ROBO1: variants seen among roughly 807,000 people sequenced by gnomAD.
ROBO1 encodes the protein roundabout guidance receptor 1.
Under a neutral mutation model 195.9 loss-of-function variants are expected in ROBO1, and 149 were observed. That is an observed-to-expected ratio of 0.76 (90% CI 0.67 to 0.87). The LOEUF is 0.87. ROBO1 is among the 40% of genes least tolerant of loss of function. The probability of loss-of-function intolerance (pLI) is 0.00; values close to 1 mark genes in which losing one functional copy is unlikely to be tolerated. For synonymous variants in ROBO1, 816 were observed against 733.2 expected (o/e 1.11, Z -1.82); for missense variants, 1,933 against 2,068.3 (o/e 0.93, Z 1.27).
chr3:79,085,295 T>C (rs2079347488), intron 3 of ROBO1, among the ~76,000 whole-genome samples: 1 of 152,172 alleles, frequency 6.6e-6, no homozygotes. Context: ...TCTGGACACT[T>C]CTGTTTAAGG....
chr3:78,630,079 G>T (rs1387122413), intron 25 of ROBO1, among the ~76,000 whole-genome samples: 1 of 152,134 alleles, frequency 6.6e-6, no homozygotes, highest in Admixed American at 6.6e-5. Context: ...ATATATCTAC[G>T]AAATCAGCTT....
intron 8 of ROBO1, among the ~76,000 whole-genome samples, chr3:78,691,275 AT>A (rs1169913612): frequency 5.3e-5 from 8 of 151,846 alleles, no homozygotes; most frequent in Admixed American, 2.0e-4. Context: ...GAAATTTTGG[AT>A]TTTTTTTGAA....
intron 4 of ROBO1, among the ~76,000 whole-genome samples, chr3:78,819,904 A>C (rs1218390780): frequency 6.6e-6 from 1 of 152,232 alleles, no homozygotes; most frequent in East Asian, 1.9e-4. Context: ...TTCTCAATTC[A>C]TGAGGGAAAA....
intron 1 of ROBO1, among the ~76,000 whole-genome samples, chr3:79,676,048 A>G (rs954113949): frequency 5.3e-5 from 8 of 151,984 alleles, no homozygotes; most frequent in African/African-American, 1.9e-4. Context: ...TTGTGAATCT[A>G]TTTTGTTGTT....
rs767118522 is a variant in ROBO1, at chr3:78,900,435, A to G, written c.499+38166T>C. Among the ~76,000 whole-genome samples, 7 of 152,288 alleles carry G rather than the reference A, an allele frequency of 4.6e-5. No individual in the cohort carries two copies. In the South Asian group the frequency reaches 1.4e-3, roughly 32 times the overall value. On this transcript the variant is annotated intron_variant, in intron 4 of 30. Transcript: ENST00000464233. ...ATATTTTGACAGACCTAAGAATATA[A>G]TCTTTTTCAGTTCTTATACTGCAGC...
At chr3:78,959,734 T>C (rs918268125) in intron 3 of ROBO1, among the ~76,000 whole-genome samples, 1 of 152,180 alleles carries the variant, frequency 6.6e-6, no homozygotes, top group Non-Finnish European at 1.5e-5. Context: ...AAGAGATATA[T>C]GCCATCTAAA....
At chr3:79,066,192 G>A (rs944375772) in intron 3 of ROBO1, among the ~76,000 whole-genome samples, 1 of 151,834 alleles carries the variant, frequency 6.6e-6, no homozygotes, top group South Asian at 2.1e-4. Context: ...CTAAGGATGG[G>A]TACTTGGGTG....
At chr3:78,615,092 A>AT in intron 27 of ROBO1, among the ~76,000 whole-genome samples, 1 of 152,264 alleles carries the variant, frequency 6.6e-6, no homozygotes, top group Non-Finnish European at 1.5e-5. Context: ...TATTCCAATT[A>AT]TTTTTGCAAT....
intron 2 of ROBO1, among the ~76,000 whole-genome samples, chr3:79,493,099 T>C (rs910903649): frequency 6.6e-6 from 1 of 151,940 alleles, no homozygotes; most frequent in Non-Finnish European, 1.5e-5. Context: ...AATTAAGAGA[T>C]TTGGCAAATC....
chr3:79,065,809 C>T (rs946480324), intron 3 of ROBO1, among the ~76,000 whole-genome samples: 1 of 151,864 alleles, frequency 6.6e-6, no homozygotes, highest in African/African-American at 2.4e-5. Flanking sequence ...AACATATATC[C>T]TGTTTTTCTT....
intron 3 of ROBO1, among the ~76,000 whole-genome samples, chr3:78,981,645 A>C (rs984157541): frequency 3.9e-5 from 6 of 152,162 alleles, no homozygotes; most frequent in Non-Finnish European, 5.9e-5. Flanking sequence ...ACCAGGGCTC[A>C]GAGAACAATA....
intron 4 of ROBO1, among the ~76,000 whole-genome samples, chr3:78,876,108 T>C (rs1406102636): frequency 1.3e-5 from 2 of 152,086 alleles, no homozygotes; most frequent in Non-Finnish European, 2.9e-5. Context: ...CACAGTTATG[T>C]AGTCAAGAAA....
At chr3:79,183,391 A>G (rs915895759) in intron 2 of ROBO1, among the ~76,000 whole-genome samples, 1 of 152,222 alleles carries the variant, frequency 6.6e-6, no homozygotes, top group Non-Finnish European at 1.5e-5. Context: ...GTTTATCTGC[A>G]GAAATCAAGA....
At chr3:79,081,621 C>T (rs2108463688) in intron 3 of ROBO1, among the ~76,000 whole-genome samples, 1 of 152,232 alleles carries the variant, frequency 6.6e-6, no homozygotes, top group Non-Finnish European at 1.5e-5. Flanking sequence ...TGGGGCTTTC[C>T]TCGGAAAAGC....
At chr3:79,273,308 C>T (rs758650515) in intron 2 of ROBO1, among the ~76,000 whole-genome samples, 21 of 151,844 alleles carry the variant, frequency 1.4e-4, no homozygotes, top group Non-Finnish European at 2.1e-4. Context: ...AACAACTTTT[C>T]CAGACATAAT....
intron 3 of ROBO1, among the ~76,000 whole-genome samples, chr3:79,115,774 G>A (rs1176267594): frequency 6.6e-6 from 1 of 152,148 alleles, no homozygotes; most frequent in Admixed American, 6.5e-5. Context: ...GACGTTCTAT[G>A]AATGTATTTT....
chr3:78,823,055 C>T (rs2031170309), intron 4 of ROBO1, among the ~76,000 whole-genome samples: 1 of 152,128 alleles, frequency 6.6e-6, no homozygotes, highest in Admixed American at 6.5e-5. Flanking sequence ...ACAATTCAGT[C>T]TTTTTATTCT....
chr3:79,227,346 T>A (rs1452664849), intron 2 of ROBO1, among the ~76,000 whole-genome samples: 1 of 152,188 alleles, frequency 6.6e-6, no homozygotes, highest in Non-Finnish European at 1.5e-5. Context: ...GGCAGTTCCA[T>A]CCATATTCAA....
At chr3:79,067,467 A>G (rs2079022186) in intron 3 of ROBO1, among the ~76,000 whole-genome samples, 1 of 151,992 alleles carries the variant, frequency 6.6e-6, no homozygotes, top group Non-Finnish European at 1.5e-5. Flanking sequence ...ATTTGAAGAC[A>G]GAAGAACTGA....
Sources: allele counts gnomAD v4.1 joint callset (sites outside exome capture counted in the v4.1 genomes callset), GRCh38; gene constraint gnomAD v4.1.1; transcripts MANE v1.5; gene names NCBI Gene and HGNC (gene_info 2026-07-23, HGNC 2026-07-21).